Variants in ADAMTS16 observed in about 807,000 individuals in gnomAD.
ADAMTS16 encodes the protein A disintegrin and metalloproteinase with thrombospondin motifs 16.
ADAMTS16 carries 94 observed loss-of-function variants against 145.8 expected under a neutral mutation model. The ratio of observed to expected loss-of-function variants is 0.64; its 90% CI spans 0.55 to 0.77. The LOEUF is 0.77. Ranked by LOEUF, ADAMTS16 falls within the 30% of genes least tolerant of loss-of-function variation. The probability of loss-of-function intolerance (pLI) is 0.00; values close to 1 mark genes in which losing one functional copy is unlikely to be tolerated. For synonymous variants in ADAMTS16, 659 were observed against 604.3 expected (o/e 1.09, Z -1.33); for missense variants, 1,585 against 1,591.5 (o/e 1.00, Z 0.07).
At chr5:5,190,313 C>G (rs957321470) in intron 7 of ADAMTS16, among the ~76,000 whole-genome samples, 183 bp downstream of exon 7, 5 of 152,182 alleles carry the variant, frequency 3.3e-5, no homozygotes, top group Admixed American at 3.3e-4. Context: ...TTGCATTCAT[C>G]AAGAGTGATT....
chr5:5,319,208 A>G lies in ADAMTS16; in HGVS notation c.*70A>G, dbSNP rs1734181649. ...GAAATTTCCCACAAATGAGCTGTGC[A>G]ATCTACGTCGGAATACATCCAAGGA... On this transcript the variant is annotated 3_prime_UTR_variant, in exon 23 of 23. Transcript: ENST00000274181. The G allele has an allele frequency of 8.6e-7, 1 of 1,163,030 alleles. No individual in the cohort carries two copies. Among genetic ancestry groups the G allele is most frequent in the South Asian group, 1.3e-5 (1 of 76,962 alleles). The allele number at this position is 1,163,030 out of a possible 1,614,324, so 72.0% of individuals were successfully genotyped here. A position where few individuals can be genotyped will look rare whatever the true frequency, so the allele number is the denominator to read the frequency against.
At chr5:5,188,352 C>T (rs533685529) in intron 6 of ADAMTS16, among the ~76,000 whole-genome samples, 31 of 152,270 alleles carry the variant, frequency 2.0e-4, no homozygotes, top group Admixed American at 2.0e-3. Flanking sequence ...TGCAAAAACC[C>T]AGATTATGCT....
intron 10 of ADAMTS16, among the ~76,000 whole-genome samples, chr5:5,211,671 AC>A (rs1165038410): frequency 6.6e-6 from 1 of 152,166 alleles, no homozygotes; most frequent in Non-Finnish European, 1.5e-5. Context: ...TCCTAATATA[AC>A]CATTTAATAT....
intron 13 of ADAMTS16, among the ~76,000 whole-genome samples, chr5:5,236,284 C>T (rs917427713): frequency 1.8e-4 from 25 of 140,074 alleles, no homozygotes; most frequent in African/African-American, 6.3e-4. Context: ...AAATTTTCAT[C>T]ATTAATTGTC....
Position 5,303,267 on chromosome 5 carries a change from G to C in ADAMTS16, c.2790-1G>C. On this transcript the variant is annotated splice_acceptor_variant, in intron 18 of 22. Coordinates refer to ENST00000274181, the MANE Select transcript of ADAMTS16 (RefSeq NM_139056.4). LOFTEE classifies it high-confidence loss of function. ...ACCGAGGTCTCTTTGTCCCTGCCCAGCTGGTCCGTGGGGAACTGGAGTGCC... is the reference window on the plus strand; with the variant it reads ...ACCGAGGTCTCTTTGTCCCTGCCCACCTGGTCCGTGGGGAACTGGAGTGCC... 6.4e-7 allele frequency: 1 copy of C among 1,557,708 alleles called. No homozygotes were observed. The highest frequency in any genetic ancestry group is 8.7e-7 in the Non-Finnish European group (1 of 1,149,246).
chr5:5,179,094 A>C (rs1161445769), intron 3 of ADAMTS16, among the ~76,000 whole-genome samples: 1 of 150,672 alleles, frequency 6.6e-6, no homozygotes, highest in African/African-American at 2.5e-5. Context: ...CATATACTTT[A>C]AGTATATTAA....
intron 3 of ADAMTS16, among the ~76,000 whole-genome samples, chr5:5,174,710 T>A (rs1460499290): frequency 6.6e-6 from 1 of 152,230 alleles, no homozygotes; most frequent in East Asian, 1.9e-4. Context: ...TTTCTTCTGC[T>A]TCATAAATTC....
At chr5:5,216,351 T>C (rs56036087) in intron 10 of ADAMTS16, among the ~76,000 whole-genome samples, 36,914 of 151,662 alleles carry the variant, frequency 0.24, 5,776 homozygotes, top group East Asian at 0.65. Context: ...CTTTTGAGAA[T>C]TGTCTATTCA....
At chr5:5,313,311 G>A (rs533575661) in intron 21 of ADAMTS16, among the ~76,000 whole-genome samples, 1 of 152,336 alleles carries the variant, frequency 6.6e-6, no homozygotes, top group African/African-American at 2.4e-5. Flanking sequence ...TTTGCCACCA[G>A]ACAGGCTTAT....
At chr5:5,272,587 G>C (rs1476463676) in intron 18 of ADAMTS16, among the ~76,000 whole-genome samples, 3 of 152,008 alleles carry the variant, frequency 2.0e-5, no homozygotes, top group African/African-American at 7.2e-5. Flanking sequence ...GGATGGTCTC[G>C]ATCTCCTGAC....
At chr5:5,161,006 A>G (rs902182092) in intron 3 of ADAMTS16, among the ~76,000 whole-genome samples, 1 of 152,230 alleles carries the variant, frequency 6.6e-6, no homozygotes, top group Admixed American at 6.5e-5. Context: ...AAAATATCTT[A>G]AAAGCCCATA....
chr5:5,220,713 C>T lies in ADAMTS16; in HGVS notation c.1606-2076C>T, dbSNP rs531556873. 2.0e-5 allele frequency among the ~76,000 whole-genome samples: 3 copies of T among 152,176 alleles called. No homozygotes were observed. In the South Asian group the frequency reaches 6.2e-4, roughly 32 times the overall value. ...ACCTATAACCACTGCATTTAGTCCC[C>T]AGGACAAGTCCACGATTAGACGTTG... On this transcript the variant is annotated intron_variant, in intron 10 of 22. Coordinates refer to ENST00000274181, the MANE Select transcript of ADAMTS16 (RefSeq NM_139056.4).
chr5:5,214,530 G>C (rs1416870906), intron 10 of ADAMTS16, among the ~76,000 whole-genome samples: 1 of 152,130 alleles, frequency 6.6e-6, no homozygotes, highest in East Asian at 1.9e-4. Context: ...CTCATGCTGA[G>C]TAGCTAGGGT....
rs144929330 is a variant in ADAMTS16 at position 5,225,472 on chromosome 5, G to A, written c.1701+2588G>A. Reference sequence around the variant, plus strand: ...ACAAAACTTAGCTGGGCGTTGTGGCGCATGCCTGTAGTCCCAGCTGCTCGG... The same window carrying A: ...ACAAAACTTAGCTGGGCGTTGTGGCACATGCCTGTAGTCCCAGCTGCTCGG... On this transcript the variant is annotated intron_variant, in intron 11 of 22. Transcript: ENST00000274181. Among the ~76,000 whole-genome samples the A allele has an allele frequency of 7.3e-3, 1,113 of 152,130 alleles. 8 individuals are homozygous for A. The highest frequency in any genetic ancestry group is 0.018 in the African/African-American group (734 of 41,506).
intron 18 of ADAMTS16, among the ~76,000 whole-genome samples, chr5:5,267,107 C>A (rs866213728): frequency 4.5e-4 from 69 of 152,220 alleles, no homozygotes; most frequent in African/African-American, 1.6e-3. Flanking sequence ...GCGATGAGGG[C>A]GTGGCTTACT....
In ADAMTS16 at chr5:5,286,857, C is replaced by CA. The variant is rs1158555676; in HGVS notation, c.2790-16385dup. On this transcript the variant is annotated intron_variant, in intron 18 of 22. Transcript: ENST00000274181. ...TGGGCGATGGAGCAAGACTCCGTCT[C>CA]AAAAAAAAAAAAAAAAAAAAAAAAA... Among the ~76,000 whole-genome samples the CA allele has an allele frequency of 5.6e-3, 123 of 22,130 alleles. 9 individuals are homozygous for CA. Among genetic ancestry groups the CA allele is most frequent in the African/African-American group, 0.015 (116 of 7,862 alleles). 14.5% of individuals were successfully genotyped at this position (22,130 alleles called of 152,430 possible). A position where few individuals can be genotyped will look rare whatever the true frequency, so the allele number is the denominator to read the frequency against.
At chr5:5,246,289 T>C (rs1737436942) in intron 17 of ADAMTS16, among the ~76,000 whole-genome samples, 1 of 152,234 alleles carries the variant, frequency 6.6e-6, no homozygotes, top group African/African-American at 2.4e-5. Flanking sequence ...GGATGATGTG[T>C]TTTTATTCAA....
intron 7 of ADAMTS16, among the ~76,000 whole-genome samples, chr5:5,190,934 T>G (rs11743270): frequency 0.091 from 13,774 of 151,670 alleles, 911 homozygotes; most frequent in East Asian, 0.3. Flanking sequence ...CAGTGTGGTT[T>G]CCTTCTGAGG....
At chr5:5,194,213 TTC>T (rs1334703451) in intron 8 of ADAMTS16, among the ~76,000 whole-genome samples, 1 of 152,164 alleles carries the variant, frequency 6.6e-6, no homozygotes, top group Non-Finnish European at 1.5e-5. Context: ...CTTCTTCAAG[TTC>T]TCTGAGACAG....
Sources: allele counts gnomAD v4.1 joint callset (sites outside exome capture counted in the v4.1 genomes callset), GRCh38; gene constraint gnomAD v4.1.1; transcripts MANE v1.5; gene names NCBI Gene and HGNC (gene_info 2026-07-23, HGNC 2026-07-21).